The following KDM4C variants were observed in gnomAD, a reference collection of about 807,000 sequenced individuals.
KDM4C encodes the protein lysine-specific demethylase 4C.
A neutral mutation model predicts 129.3 loss-of-function variants in KDM4C; 81 were observed. The ratio of observed to expected loss-of-function variants is 0.63; its 90% confidence interval spans 0.52 to 0.75. KDM4C has a LOEUF of 0.75. KDM4C is among the 30% of genes least tolerant of loss of function. KDM4C has a pLI of 0.00. For synonymous variants in KDM4C, 573 were observed against 456.1 expected, an observed-to-expected ratio of 1.26 and a Z score of -3.26; for missense variants, 1,457 against 1,304.0, an observed-to-expected ratio of 1.12 and a Z score of -1.81.
intron 17 of KDM4C, among the ~76,000 whole-genome samples, chr9:7,079,145 G>T (rs528963496): frequency 6.6e-6 from 1 of 152,122 alleles, no homozygotes; most frequent in African/African-American, 2.4e-5. Context: ...GTCTGCCAGG[G>T]GCCAACCTTG....
intron 8 of KDM4C, among the ~76,000 whole-genome samples, chr9:6,927,092 T>TTTCTATCTATCTATCTATCC (rs1822728579): frequency 1.3e-5 from 1 of 78,336 alleles, no homozygotes; most frequent in Non-Finnish European, 2.8e-5. Flanking sequence ...AAAAATTTTC[T>TTTCTATCTATCTATCTATCC]ATCTATCTAT....
At chr9:6,948,416 A>C (rs1827358054) in intron 8 of KDM4C, among the ~76,000 whole-genome samples, 1 of 132,430 alleles carries the variant, frequency 7.6e-6, no homozygotes, top group Admixed American at 6.9e-5. Flanking sequence ...CCTTGTAGAA[A>C]GGCAAATAGT....
chr9:6,932,005 T>C (rs1328654042), intron 8 of KDM4C, among the ~76,000 whole-genome samples: 1 of 152,100 alleles, frequency 6.6e-6, no homozygotes, highest in Non-Finnish European at 1.5e-5. Flanking sequence ...ACAGAAAAAG[T>C]GTCAGTGATT....
At chr9:6,909,783 C>T (rs1437029138) in intron 8 of KDM4C, among the ~76,000 whole-genome samples, 1 of 151,844 alleles carries the variant, frequency 6.6e-6, no homozygotes, top group African/African-American at 2.4e-5. Context: ...TTCTGTCCCG[C>T]TAAAAAATTC....
intron 12 of KDM4C, among the ~76,000 whole-genome samples, chr9:6,993,051 T>C (rs1255538672): frequency 1.3e-5 from 2 of 152,100 alleles, no homozygotes; most frequent in Admixed American, 6.6e-5. Context: ...TGAAACACCA[T>C]AGATCATTCT....
chr9:6,796,071 C>G (rs1827689041), intron 2 of KDM4C, among the ~76,000 whole-genome samples: 2 of 152,158 alleles, frequency 1.3e-5, no homozygotes, highest in African/African-American at 2.4e-5. Context: ...AGAAAACAAA[C>G]AGAAACTAAA....
chr9:7,022,637 C>CTT lies in KDM4C; in HGVS notation c.2259+6721_2259+6722dup, dbSNP rs375675040. On this transcript the variant is annotated intron_variant, in intron 15 of 21. Transcript: ENST00000381309. ...TTTCCAATTTGCAAACCCTTTATTTCTTTTTTTTTTTTTTGTCTGATTACG... is the reference window on the plus strand; with the variant it reads ...TTTCCAATTTGCAAACCCTTTATTTCTTTTTTTTTTTTTTTTGTCTGATTACG... Among the ~76,000 whole-genome samples the CTT allele has an allele frequency of 3.8e-4, 51 of 133,972 alleles. 5 individuals carry two copies. The highest frequency in any genetic ancestry group is 8.9e-4 in the East Asian group (4 of 4,476). The allele number at this position is 133,972 out of a possible 152,430, so 87.9% of individuals were successfully genotyped here.
upstream of KDM4C, among the ~76,000 whole-genome samples, chr9:6,757,456 C>A (rs142948761): frequency 2.0e-3 from 301 of 152,348 alleles, 3 homozygotes; most frequent in African/African-American, 5.8e-3. Flanking sequence ...ATACTCTTCG[C>A]CTATTCGGGA....
chr9:6,985,464 T>C (rs1428964605), intron 10 of KDM4C, among the ~76,000 whole-genome samples: 1 of 151,980 alleles, frequency 6.6e-6, no homozygotes, highest in East Asian at 2.0e-4. Flanking sequence ...ATGTGGTAAG[T>C]AGCATTATAG....
intron 8 of KDM4C, among the ~76,000 whole-genome samples, chr9:6,900,282 A>G (rs867985825): frequency 1.2e-4 from 18 of 152,192 alleles, no homozygotes; most frequent in African/African-American, 3.9e-4. Context: ...TTTGCCCCCA[A>G]TGTCCTGTAC....
intron 17 of KDM4C, among the ~76,000 whole-genome samples, chr9:7,073,989 T>C (rs1239014648): frequency 6.6e-6 from 1 of 152,208 alleles, no homozygotes; most frequent in Non-Finnish European, 1.5e-5. Flanking sequence ...AATAACATTT[T>C]AGCATTGACA....
At chr9:7,050,332 T>C (rs948643326) in intron 17 of KDM4C, among the ~76,000 whole-genome samples, 4 of 149,010 alleles carry the variant, frequency 2.7e-5, no homozygotes, top group African/African-American at 9.8e-5. Context: ...GTGGGCCATT[T>C]AAATGGCCCT....
intron 8 of KDM4C, among the ~76,000 whole-genome samples, chr9:6,946,121 G>T (rs1049021995): frequency 6.6e-6 from 1 of 152,026 alleles, no homozygotes; most frequent in Non-Finnish European, 1.5e-5. Context: ...GTAATCAAGG[G>T]GGTTAGTGGA....
chr9:6,926,345 A>AAAAAAAAC (rs1554646877), intron 8 of KDM4C, among the ~76,000 whole-genome samples: 1,532 of 148,916 alleles, frequency 0.01, 80 homozygotes, highest in Admixed American at 0.055. Context: ...AATTTGTAAA[A>AAAAAAAAC]AAAAAAAAAA....
chr9:6,849,797 C>A, intron 5 of KDM4C, 97 bp downstream of exon 5: 4 of 964,272 alleles, frequency 4.1e-6, no homozygotes, highest in South Asian at 1.7e-5. Context: ...TTGGTGGATT[C>A]AGATTTATGT....
At chr9:6,780,710 G>A (rs1444186860) in intron 1 of KDM4C, among the ~76,000 whole-genome samples, 2 of 136,804 alleles carry the variant, frequency 1.5e-5, no homozygotes, top group Non-Finnish European at 3.1e-5. Context: ...AGAGGTTGCA[G>A]TGAGCCGAGA....
rs1816675462 is a variant in KDM4C, at chr9:6,980,994, T to TA, written c.992dup (p.Tyr331Ter). 1 of 1,613,760 alleles carries TA rather than the reference T, an allele frequency of 6.2e-7. No homozygotes were observed. Among genetic ancestry groups the TA allele is most frequent in the African/African-American group, 1.3e-5 (1 of 74,890 alleles). The change falls in exon 9 of 22, where the codon TAT becomes TAAT. Residue 331 changes from tyrosine (Y) to a stop codon, truncating the protein, a stop_gained and frameshift_variant. Coordinates refer to ENST00000381309, the MANE Select transcript of KDM4C (RefSeq NM_015061.6). LOFTEE classifies it high-confidence loss of function. ...IFVRKFQPDR[Y>*]QLWKQGKDIY... is the part of the protein sequence containing the mutation. Reference sequence around the variant, plus strand: ...TGTGAGGAAATTTCAGCCAGACAGATATCAGCTTTGGAAACAAGGAAAGGA... The same window carrying TA: ...TGTGAGGAAATTTCAGCCAGACAGATAATCAGCTTTGGAAACAAGGAAAGGA...
chr9:6,898,441 ATAGT>A (rs985207597), intron 8 of KDM4C, among the ~76,000 whole-genome samples: 2 of 152,216 alleles, frequency 1.3e-5, no homozygotes, highest in Non-Finnish European at 2.9e-5. Context: ...AGGAAAGGTA[ATAGT>A]TGGTGACACA....
intron 4 of KDM4C, among the ~76,000 whole-genome samples, chr9:6,817,333 C>T (rs1832302995): frequency 6.6e-6 from 1 of 151,784 alleles, no homozygotes; most frequent in Non-Finnish European, 1.5e-5. Context: ...TCCTATGTAG[C>T]TGGGACTACC....
Sources: allele counts gnomAD v4.1 joint callset (sites outside exome capture counted in the v4.1 genomes callset), GRCh38; gene constraint gnomAD v4.1.1; transcripts MANE v1.5; gene names NCBI Gene and HGNC (gene_info 2026-07-23, HGNC 2026-07-21).